The following PCDHGB7 variants were observed in gnomAD, a reference collection of about 807,000 sequenced individuals.
The protein encoded by PCDHGB7 is protocadherin gamma subfamily B, 7.
In PCDHGB7, 37 loss-of-function variants were observed where a neutral mutation model predicts 61.4. That is an observed-to-expected ratio of 0.60 (90% CI 0.46 to 0.79). PCDHGB7 has a LOEUF of 0.79. Ranked by LOEUF, PCDHGB7 falls within the 30% of genes least tolerant of loss-of-function variation. The probability of loss-of-function intolerance (pLI) is 0.00; values close to 1 mark genes in which losing one functional copy is unlikely to be tolerated. For missense variants in PCDHGB7, 1,166 were observed against 1,202.5 expected, an observed-to-expected ratio of 0.97 and a Z score of 0.45; for synonymous variants, 464 against 503.5, an observed-to-expected ratio of 0.92 and a Z score of 1.05.
At chr5:141,449,202 C>T (rs77980623) in intron 1 of PCDHGB7, among the ~76,000 whole-genome samples, 7,411 of 152,148 alleles carry the variant, frequency 0.049, 284 homozygotes, top group African/African-American at 0.1. Context: ...AGTGTTAATT[C>T]TAACTTTCTG....
At chr5:141,466,022 T>C (rs1053231186) in intron 1 of PCDHGB7, among the ~76,000 whole-genome samples, 4 of 151,628 alleles carry the variant, frequency 2.6e-5, no homozygotes, top group African/African-American at 9.7e-5. Flanking sequence ...CTCGGGAGGG[T>C]GAGGCAGGAG....
chr5:141,459,284 A>C (rs2098965103), intron 1 of PCDHGB7, among the ~76,000 whole-genome samples: 1 of 152,174 alleles, frequency 6.6e-6, no homozygotes, highest in African/African-American at 2.4e-5. Flanking sequence ...ATTTCATCTA[A>C]ATGGAATCCT....
intron 1 of PCDHGB7, chr5:141,421,230 G>T: frequency 6.3e-7 from 1 of 1,590,132 alleles, no homozygotes. Context: ...AGCCTGCCAT[G>T]GCGAATCGGC....
In PCDHGB7 at chr5:141,431,775, A is replaced by T; in HGVS notation, c.2415+11501A>T. 6.2e-7 allele frequency: 1 copy of T among 1,614,204 alleles called. No homozygotes were observed. Among genetic ancestry groups the T allele is most frequent in the Non-Finnish European group, 8.5e-7 (1 of 1,180,024 alleles). ...GCCAAAGTCCTGATCACTGTTCTGG[A>T]CGTGAACGACAATGCCCCAGAAGTG... On this transcript the variant is annotated intron_variant, in intron 1 of 3. Transcript: ENST00000398594. This position sits in a 1 kb window ranked among gnomAD's most constrained non-coding sequence, Gnocchi z 4.8.
Position 141,487,506 on chromosome 5 carries a change from C to T in PCDHGB7, c.2416-7301C>T. 1 of 1,614,220 alleles carries T rather than the reference C, an allele frequency of 6.2e-7. No homozygotes were observed. The highest frequency in any genetic ancestry group is 8.5e-7 in the Non-Finnish European group (1 of 1,180,046). On this transcript the variant is annotated intron_variant, in intron 1 of 3. Coordinates refer to ENST00000398594, the MANE Select transcript of PCDHGB7 (RefSeq NM_018927.4). The surrounding 1 kb of genome is among the most constrained non-coding windows in gnomAD (Gnocchi z 5.0). ...CATGGCTGTACACCCTTGGCTTCTG[C>T]ACCCACTCGGAGTGATAGCTTCATG...
At chr5:141,475,934 G>T in intron 1 of PCDHGB7, 1 of 665,236 alleles carries the variant, frequency 1.5e-6, no homozygotes, top group Non-Finnish European at 2.5e-6. Context: ...TCGGGCCCCT[G>T]CCCGTCCCCT....
chr5:141,497,730 G>T (rs13182286), intron 2 of PCDHGB7, among the ~76,000 whole-genome samples: 247 of 152,136 alleles, frequency 1.6e-3, no homozygotes, highest in Non-Finnish European at 2.8e-3. Flanking sequence ...AGTAGAGATG[G>T]GTTTCGCCAC....
At chr5:141,467,491 A>T (rs2154569531) in intron 1 of PCDHGB7, among the ~76,000 whole-genome samples, 1 of 152,224 alleles carries the variant, frequency 6.6e-6, no homozygotes, top group Admixed American at 6.5e-5. Flanking sequence ...CCACATTTAG[A>T]TCCCTGATCT....
At chr5:141,463,738 G>C (rs1002263384) in intron 1 of PCDHGB7, among the ~76,000 whole-genome samples, 1 of 151,978 alleles carries the variant, frequency 6.6e-6, no homozygotes, top group East Asian at 1.9e-4. Flanking sequence ...GAGCCACCGC[G>C]CCCGGCCTGC....
Position 141,487,298 on chromosome 5 carries a change from G to T in PCDHGB7, c.2416-7509G>T. 6.2e-7 allele frequency: 1 copy of T among 1,614,072 alleles called. No individual in the cohort carries two copies. Among genetic ancestry groups the T allele is most frequent in the Non-Finnish European group, 8.5e-7 (1 of 1,180,018 alleles). ...TTGCTTTGTCTCCTTTGGCTCATTC[G>T]TGGCACTACTCTCTAAGTGTCTTCG... On this transcript the variant is annotated intron_variant, in intron 1 of 3. Coordinates refer to ENST00000398594, the MANE Select transcript of PCDHGB7 (RefSeq NM_018927.4). This position sits in a 1 kb window ranked among gnomAD's most constrained non-coding sequence, Gnocchi z 5.0.
intron 1 of PCDHGB7, among the ~76,000 whole-genome samples, chr5:141,443,720 T>G (rs1349609652): frequency 2.6e-5 from 4 of 152,156 alleles, no homozygotes; most frequent in Non-Finnish European, 5.9e-5. Flanking sequence ...CATATAAAAT[T>G]CCTCATACAT....
In PCDHGB7 at chr5:141,485,576, C is replaced by T. The variant is rs1347032247; in HGVS notation, c.2416-9231C>T. ...GAATGATCACGCCCCCCGTTTTCCG[C>T]GGCAGCAGCTGGACTTGGAAATTGG... On this transcript the variant is annotated intron_variant, in intron 1 of 3. Transcript: ENST00000398594. The surrounding 1 kb of genome is among the most constrained non-coding windows in gnomAD (Gnocchi z 5.7). 21 of 1,612,296 alleles carry T rather than the reference C, an allele frequency of 1.3e-5. 1 individual carries two copies. Among genetic ancestry groups the T allele is most frequent in the Non-Finnish European group, 1.8e-5 (21 of 1,178,636 alleles).
Position 141,487,831 on chromosome 5 carries a change from A to G in PCDHGB7, c.2416-6976A>G, listed in dbSNP as rs1001896359. ...TTAGCATTGGGGGCGGGTCATGCCTATATCTGAGTAAGAAATGAAAGTAAT... is the reference window on the plus strand; with the variant it reads ...TTAGCATTGGGGGCGGGTCATGCCTGTATCTGAGTAAGAAATGAAAGTAAT... On this transcript the variant is annotated intron_variant, in intron 1 of 3. Transcript: ENST00000398594. This position sits in a 1 kb window ranked among gnomAD's most constrained non-coding sequence, Gnocchi z 5.0. The G allele has an allele frequency of 1.1e-5, 13 of 1,144,204 alleles. No homozygotes were observed. Among genetic ancestry groups the G allele is most frequent in the Non-Finnish European group, 1.6e-5 (13 of 818,302 alleles). 70.9% of individuals were successfully genotyped at this position (1,144,204 alleles called of 1,614,324 possible). A position where few individuals can be genotyped will look rare whatever the true frequency, so the allele number is the denominator to read the frequency against.
chr5:141,446,266 A>C (rs1268290014), intron 1 of PCDHGB7, among the ~76,000 whole-genome samples: 1 of 152,174 alleles, frequency 6.6e-6, no homozygotes, highest in African/African-American at 2.4e-5. Context: ...TTATTAACTG[A>C]ATAAATACAA....
chr5:141,483,166 A>G (rs1288499520), intron 1 of PCDHGB7, among the ~76,000 whole-genome samples: 1 of 152,138 alleles, frequency 6.6e-6, no homozygotes, highest in Non-Finnish European at 1.5e-5. Flanking sequence ...ATCCTGAGTT[A>G]CCTTTGGGCC....
chr5:141,436,594 G>A (rs79477223), intron 1 of PCDHGB7, among the ~76,000 whole-genome samples: 2 of 152,106 alleles, frequency 1.3e-5, no homozygotes, highest in African/African-American at 2.4e-5. Flanking sequence ...AAAGGTCGTG[G>A]TGATGGCTAG....
At position 141,419,408 on chromosome 5, in the gene PCDHGB7, C is replaced by T. The variant is rs534591654; in HGVS notation, c.1549C>T (p.Gln517Ter). The change falls in exon 1 of 4, where the codon CAG becomes TAG. Residue 517 changes from glutamine (Q) to a stop codon, truncating the protein, a stop_gained. Coordinates refer to ENST00000398594, the MANE Select transcript of PCDHGB7 (RefSeq NM_018927.4). LOFTEE classifies it high-confidence loss of function. ...CGCGCAGAGCGGGGTGGTGTTCGCG[C>T]AGCGCGCCTTCGACCACGAGCAGCT... ...VSAQSGVVFA[Q>*]RAFDHEQLRT... is the part of the protein sequence containing the mutation. 6.2e-6 allele frequency: 10 copies of T among 1,613,508 alleles called. No individual in the cohort carries two copies. The African/African-American group carries it at 1.3e-4, about 21-fold the overall frequency.
chr5:141,486,425 A>C lies in PCDHGB7; in HGVS notation c.2416-8382A>C. The C allele has an allele frequency of 6.2e-7, 1 of 1,614,228 alleles. No homozygotes were observed. On this transcript the variant is annotated intron_variant, in intron 1 of 3. Transcript: ENST00000398594. This position sits in a 1 kb window ranked among gnomAD's most constrained non-coding sequence, Gnocchi z 5.0. Reference sequence around the variant, plus strand: ...TGCTGGACCCTTGGATCGAGAGGCCAAATCTAGCTATGACATCATGGTCAC... The same window carrying C: ...TGCTGGACCCTTGGATCGAGAGGCCCAATCTAGCTATGACATCATGGTCAC...
intron 1 of PCDHGB7, among the ~76,000 whole-genome samples, chr5:141,462,218 C>T (rs2099034952): frequency 6.6e-6 from 1 of 152,180 alleles, no homozygotes; most frequent in African/African-American, 2.4e-5. Context: ...CCTCGGCCTC[C>T]CAAAGTGCAG....
Sources: allele counts gnomAD v4.1 joint callset (sites outside exome capture counted in the v4.1 genomes callset), GRCh38; gene constraint gnomAD v4.1.1; non-coding constraint Gnocchi (gnomAD v3.1); transcripts MANE v1.5; gene names NCBI Gene and HGNC (gene_info 2026-07-23, HGNC 2026-07-21).